The following PPP6R3 variants were observed in gnomAD, a reference collection of about 807,000 sequenced individuals.
The protein encoded by PPP6R3 is protein phosphatase 6 regulatory subunit 3, also known as serine/threonine-protein phosphatase 6 regulatory subunit 3.
Under a neutral mutation model 110.7 loss-of-function variants are expected in PPP6R3, and 38 were observed. The ratio of observed to expected loss-of-function variants is 0.34; its 90% confidence interval spans 0.26 to 0.45. The LOEUF (loss-of-function observed/expected upper bound fraction) is 0.45, where lower values mean the gene tolerates loss of function less well. PPP6R3 is among the 20% of genes least tolerant of loss of function. The pLI is 1.00. For missense variants in PPP6R3, 870 were observed against 1,062.4 expected (o/e 0.82, Z 2.52); for synonymous variants, 369 against 373.5 (o/e 0.99, Z 0.14).
At chr11:68,587,368 AT>A (rs914956459) in intron 15 of PPP6R3, 2 of 155,446 alleles carry the variant, frequency 1.3e-5, no homozygotes, top group African/African-American at 4.8e-5. Flanking sequence ...TTCGTTTTAT[AT>A]TCTTCCCAGC....
chr11:68,588,891 G>A (rs577439970), intron 16 of PPP6R3, among the ~76,000 whole-genome samples: 103 of 151,852 alleles, frequency 6.8e-4, no homozygotes, highest in African/African-American at 2.1e-3. Flanking sequence ...AGCTCTTAAC[G>A]TTAAATAGTA....
At chr11:68,575,914 G>T in intron 13 of PPP6R3, 44 bp from the exon 14 acceptor site, 1 of 1,412,148 alleles carries the variant, frequency 7.1e-7, no homozygotes, top group African/African-American at 1.4e-5. Flanking sequence ...TCTCCGTGGA[G>T]GTCATTGTGG....
chr11:68,488,348 C>CT (rs2098961738), intron 1 of PPP6R3, among the ~76,000 whole-genome samples: 1 of 152,036 alleles, frequency 6.6e-6, no homozygotes. Flanking sequence ...AAAAAAATTT[C>CT]TTTTTTGTAG....
At chr11:68,573,147 TATATATA>T (rs1247374604) in intron 12 of PPP6R3, among the ~76,000 whole-genome samples, 1,755 of 112,498 alleles carry the variant, frequency 0.016, 42 homozygotes, top group Non-Finnish European at 0.024. Flanking sequence ...TATATATATA[TATATATA>T]ATTTTTTTTT....
At chr11:68,564,224 G>T in intron 8 of PPP6R3, 79 bp from the exon 9 acceptor site, 1 of 1,374,964 alleles carries the variant, frequency 7.3e-7, no homozygotes, top group Non-Finnish European at 9.9e-7. Context: ...TAATCATTAA[G>T]TAAAGACATA....
intron 22 of PPP6R3, among the ~76,000 whole-genome samples, chr11:68,609,092 T>G (rs761701946): frequency 3.3e-5 from 5 of 152,138 alleles, no homozygotes; most frequent in African/African-American, 7.2e-5. Flanking sequence ...GCCATTGTGA[T>G]TATGTAAAAA....
chr11:68,542,321 G>A (rs537649095), intron 3 of PPP6R3, among the ~76,000 whole-genome samples: 2 of 151,736 alleles, frequency 1.3e-5, no homozygotes, highest in Non-Finnish European at 2.9e-5. Flanking sequence ...CGAGGTCAGA[G>A]CCTATGGAGG....
intron 1 of PPP6R3, among the ~76,000 whole-genome samples, chr11:68,475,468 T>C (rs1449960033): frequency 4.7e-5 from 7 of 148,716 alleles, no homozygotes; most frequent in African/African-American, 1.5e-4. Context: ...CAGAGGGGCT[T>C]CTCACTTCCC....
chr11:68,534,802 G>A (rs2099260813), intron 2 of PPP6R3, among the ~76,000 whole-genome samples: 3 of 152,158 alleles, frequency 2.0e-5, no homozygotes, highest in Non-Finnish European at 4.4e-5. Context: ...ACGTAGAGGT[G>A]CATGAGCTGT....
chr11:68,590,989 C>T (rs1459168066), intron 17 of PPP6R3, among the ~76,000 whole-genome samples: 2 of 152,170 alleles, frequency 1.3e-5, no homozygotes, highest in Non-Finnish European at 2.9e-5. Flanking sequence ...CAGTTTGACA[C>T]CAACCCACTG....
chr11:68,531,304 G>GTGTTT (rs896457474), intron 2 of PPP6R3, among the ~76,000 whole-genome samples: 4 of 113,370 alleles, frequency 3.5e-5, no homozygotes, highest in Admixed American at 9.1e-5. Context: ...ATCTGAGACT[G>GTGTTT]TGTTTTATTT....
At chr11:68,463,722 G>A (rs544927372) in intron 1 of PPP6R3, among the ~76,000 whole-genome samples, 69 of 152,316 alleles carry the variant, frequency 4.5e-4, no homozygotes, top group Non-Finnish European at 5.6e-4. Context: ...TGGCCTCTTG[G>A]CTTTAAACAG....
intron 2 of PPP6R3, among the ~76,000 whole-genome samples, chr11:68,521,173 C>G (rs983917443): frequency 2.0e-5 from 3 of 152,198 alleles, no homozygotes; most frequent in Non-Finnish European, 2.9e-5. Context: ...TGTTCCAGTT[C>G]CCTTGTGATC....
At chr11:68,570,394 A>G (rs192830660) in intron 11 of PPP6R3, among the ~76,000 whole-genome samples, 114 of 152,296 alleles carry the variant, frequency 7.5e-4, no homozygotes, top group Non-Finnish European at 1.1e-3. Flanking sequence ...TGGTAGTTCT[A>G]TGGTACTTTT....
At chr11:68,469,573 C>T (rs1211782621) in intron 1 of PPP6R3, among the ~76,000 whole-genome samples, 1 of 150,280 alleles carries the variant, frequency 6.7e-6, no homozygotes, top group African/African-American at 2.5e-5. Flanking sequence ...GAGACAAGAT[C>T]TTCCGATGTT....
At chr11:68,489,578 G>A (rs929089829) in intron 1 of PPP6R3, among the ~76,000 whole-genome samples, 7 of 151,472 alleles carry the variant, frequency 4.6e-5, no homozygotes, top group African/African-American at 1.7e-4. Flanking sequence ...GTGTGTGTGT[G>A]TTTTAATGAA....
intron 1 of PPP6R3, among the ~76,000 whole-genome samples, chr11:68,504,825 T>C (rs1004140407): frequency 2.6e-5 from 4 of 152,194 alleles, no homozygotes; most frequent in Non-Finnish European, 5.9e-5. Context: ...AGTTTGGCCT[T>C]CTTTGGAGAT....
intron 2 of PPP6R3, among the ~76,000 whole-genome samples, chr11:68,527,600 C>T (rs1182781941): frequency 2.9e-5 from 4 of 140,090 alleles, no homozygotes; most frequent in Non-Finnish European, 6.1e-5. Flanking sequence ...CACGTCACTT[C>T]CAATGTCTGC....
intron 14 of PPP6R3, 66 bp downstream of exon 14, chr11:68,576,109 A>T: frequency 1.7e-6 from 2 of 1,201,264 alleles, no homozygotes; most frequent in East Asian, 4.9e-5. Flanking sequence ...TTATTCAGAA[A>T]GATGTAAAAG....
Sources: allele counts gnomAD v4.1 joint callset (sites outside exome capture counted in the v4.1 genomes callset), GRCh38; gene constraint gnomAD v4.1.1; transcripts MANE v1.5; gene names NCBI Gene and HGNC (gene_info 2026-07-23, HGNC 2026-07-21).